PMFBP1: variants seen among roughly 807,000 people sequenced by gnomAD.
PMFBP1 encodes the protein polyamine modulated factor 1 binding protein 1.
A neutral mutation model predicts 137.8 loss-of-function variants in PMFBP1; 131 were observed. That is an observed-to-expected ratio of 0.95 (90% CI 0.82 to 1.10). The LOEUF is 1.10. Ranked by LOEUF, PMFBP1 falls within the 50% of genes least tolerant of loss-of-function variation. The pLI is 0.00. For synonymous variants in PMFBP1, 490 were observed against 450.4 expected (o/e 1.09, Z -1.11); for missense variants, 1,199 against 1,175.4 (o/e 1.02, Z -0.29).
At chr16:72,234,244 T>A in the PMFBP1 span, among the ~76,000 whole-genome samples, 1 of 152,156 alleles carries the variant, frequency 6.6e-6, no homozygotes, top group South Asian at 2.1e-4. Flanking sequence ...ATAGCTTCCC[T>A]TAAAGGGGAA....
At chr16:72,191,660 G>A in the PMFBP1 span, among the ~76,000 whole-genome samples, 2 of 152,102 alleles carry the variant, frequency 1.3e-5, no homozygotes, top group Non-Finnish European at 2.9e-5. Flanking sequence ...TCCTTGAGAA[G>A]TTGTATCTAT....
the PMFBP1 span, among the ~76,000 whole-genome samples, chr16:72,249,097 GA>G: frequency 6.6e-6 from 1 of 151,780 alleles, no homozygotes; most frequent in Non-Finnish European, 1.5e-5. Flanking sequence ...AAAAAAAAAA[GA>G]TCAAGAGAAG....
chr16:72,128,324 A>C, intron 14 of PMFBP1: 1 of 1,222,632 alleles, frequency 8.2e-7, no homozygotes. Context: ...GCTTTGTGAC[A>C]AGTTTTGGAA....
the PMFBP1 span, among the ~76,000 whole-genome samples, chr16:72,249,759 AC>A: frequency 1.2e-4 from 18 of 148,388 alleles, no homozygotes; most frequent in Non-Finnish European, 1.6e-4. Context: ...TACTAAAAAT[AC>A]AAAAAAAAAA....
chr16:72,247,129 G>A, the PMFBP1 span, among the ~76,000 whole-genome samples: 1 of 152,240 alleles, frequency 6.6e-6, no homozygotes, highest in Non-Finnish European at 1.5e-5. Flanking sequence ...TTTGCTAGCA[G>A]TAATTTAGTT....
Position 72,154,420 on chromosome 16 carries a change from CT to C in PMFBP1, c.204del (p.Glu69ArgfsTer12), listed in dbSNP as rs1390727120. 6.2e-7 allele frequency: 1 copy of C among 1,614,182 alleles called. No homozygotes were observed. Among genetic ancestry groups the C allele is most frequent in the Non-Finnish European group, 8.5e-7 (1 of 1,180,002 alleles). ...KQAQALAFEE[S>X]EVEFGSSKQC... ...TGTTTACTGGACCCAAATTCCACCTCTGACTCCTCGAATGCTAATGCCTGTG... is the reference window on the plus strand; with the variant it reads ...TGTTTACTGGACCCAAATTCCACCTCGACTCCTCGAATGCTAATGCCTGTG... On this transcript the variant is annotated frameshift_variant, in exon 4 of 21. Transcript: ENST00000237353. LOFTEE classifies it high-confidence loss of function.
chr16:72,183,720 A>C, the PMFBP1 span, among the ~76,000 whole-genome samples: 5 of 152,096 alleles, frequency 3.3e-5, no homozygotes, highest in African/African-American at 1.2e-4. Flanking sequence ...GTAGTTACCT[A>C]TGAGCAACTA....
At chr16:72,247,664 C>T in the PMFBP1 span, among the ~76,000 whole-genome samples, 4 of 152,088 alleles carry the variant, frequency 2.6e-5, no homozygotes, top group East Asian at 1.9e-4. Context: ...TTAAATTATT[C>T]GGCATTCTTG....
At chr16:72,197,413 T>C in the PMFBP1 span, among the ~76,000 whole-genome samples, 2 of 152,204 alleles carry the variant, frequency 1.3e-5, no homozygotes, top group African/African-American at 2.4e-5. Context: ...AGTTTAACCT[T>C]TGGCTGTCTT....
At chr16:72,206,638 C>T in the PMFBP1 span, among the ~76,000 whole-genome samples, 1 of 152,170 alleles carries the variant, frequency 6.6e-6, no homozygotes, top group Non-Finnish European at 1.5e-5. Flanking sequence ...TTGCCCAAGG[C>T]CATATTGCCT....
intron 5 of PMFBP1, among the ~76,000 whole-genome samples, chr16:72,143,488 A>T (rs2042754710): frequency 6.6e-6 from 1 of 152,246 alleles, no homozygotes; most frequent in Non-Finnish European, 1.5e-5. Flanking sequence ...TGCACCTGTA[A>T]TCCCAGCACT....
intron 7 of PMFBP1, among the ~76,000 whole-genome samples, chr16:72,137,557 G>C (rs1355687169): frequency 6.6e-6 from 1 of 152,196 alleles, no homozygotes; most frequent in East Asian, 1.9e-4. Flanking sequence ...CAGGCGGGGA[G>C]ACCAGCCAGA....
the PMFBP1 span, among the ~76,000 whole-genome samples, chr16:72,216,939 G>A: frequency 1.3e-5 from 2 of 152,206 alleles, no homozygotes; most frequent in African/African-American, 4.8e-5. Context: ...TTCATTGGGT[G>A]CCACGCCAAG....
At chr16:72,213,606 T>C in the PMFBP1 span, among the ~76,000 whole-genome samples, 2 of 152,206 alleles carry the variant, frequency 1.3e-5, no homozygotes, top group Admixed American at 6.5e-5. Flanking sequence ...CTTAATCGCA[T>C]CCTTGTGAGA....
At chr16:72,185,731 A>G in the PMFBP1 span, among the ~76,000 whole-genome samples, 1 of 152,318 alleles carries the variant, frequency 6.6e-6, no homozygotes, top group African/African-American at 2.4e-5. Flanking sequence ...TAGAGAAATA[A>G]CTGGCACATA....
At chr16:72,116,743 T>C (rs2042312571), downstream of PMFBP1, among the ~76,000 whole-genome samples, 1 of 152,174 alleles carries the variant, frequency 6.6e-6, no homozygotes, top group African/African-American at 2.4e-5. Flanking sequence ...GTTGGAAAAC[T>C]AAAACAAAAA....
intron 5 of PMFBP1, among the ~76,000 whole-genome samples, chr16:72,141,121 G>C (rs2042715435): frequency 6.6e-6 from 1 of 151,824 alleles, no homozygotes; most frequent in African/African-American, 2.4e-5. Flanking sequence ...ATTTTTAGTA[G>C]AGACAGGGTT....
chr16:72,225,137 T>G, the PMFBP1 span: 1 of 152,156 alleles, frequency 6.6e-6, no homozygotes, highest in Non-Finnish European at 1.5e-5. Flanking sequence ...CCACCATACT[T>G]TATCCATACA....
intron 5 of PMFBP1, among the ~76,000 whole-genome samples, chr16:72,146,680 A>G (rs2042812310): frequency 6.6e-6 from 1 of 152,232 alleles, no homozygotes; most frequent in Admixed American, 6.5e-5. Flanking sequence ...GCAAAGTCTC[A>G]GGATACAAAA....
Sources: allele counts gnomAD v4.1 joint callset (sites outside exome capture counted in the v4.1 genomes callset), GRCh38; gene constraint gnomAD v4.1.1; transcripts MANE v1.5; gene names NCBI Gene and HGNC (gene_info 2026-07-23, HGNC 2026-07-21).